Variants in SDR42E2 observed in about 807,000 individuals in gnomAD.
SDR42E2 encodes the protein putative short-chain dehydrogenase/reductase family 42E member 2.
In SDR42E2, 20 loss-of-function variants were observed where a neutral mutation model predicts 10.5. The observed-to-expected ratio is 1.90, with a 90% confidence interval of 1.34 to 2.77. SDR42E2 has a LOEUF of 2.77. Ranked by LOEUF, SDR42E2 falls within the 30% of genes most tolerant of loss-of-function variation. The pLI is 0.00. For synonymous variants in SDR42E2, 72 were observed against 39.2 expected, an observed-to-expected ratio of 1.84 and a Z score of -3.12; for missense variants, 162 against 104.2, an observed-to-expected ratio of 1.55 and a Z score of -2.42.
At chr16:22,181,047 G>A (rs1265683889) in intron 8 of SDR42E2, among the ~76,000 whole-genome samples, 2 of 152,186 alleles carry the variant, frequency 1.3e-5, no homozygotes, top group East Asian at 3.8e-4. Flanking sequence ...GCTGGGCAGA[G>A]AACAGACTAC....
chr16:22,172,346 G>T lies in SDR42E2; in HGVS notation c.589+15G>T, dbSNP rs1161177759. Reference sequence around the variant, plus strand: ...GCCTCTCCCAGGTGAGTATCATGGGGCTCTGCTTGTACCAAATGCACCTGC... The same window carrying T: ...GCCTCTCCCAGGTGAGTATCATGGGTCTCTGCTTGTACCAAATGCACCTGC... On this transcript the variant is annotated intron_variant, in intron 7 of 12. Coordinates refer to ENST00000602312, the MANE Select transcript of SDR42E2 (RefSeq NM_001394319.2). The T allele has an allele frequency of 4.3e-6, 3 of 703,406 alleles. No individual in the cohort carries two copies. 43.6% of individuals were successfully genotyped at this position (703,406 alleles called of 1,614,324 possible).
In SDR42E2 at chr16:22,170,893, G is replaced by A. The variant is rs1308776036; in HGVS notation, c.455G>A (p.Gly152Glu). The A allele has an allele frequency of 1.4e-6, 1 of 703,032 alleles. No homozygotes were observed. The highest frequency in any genetic ancestry group is 2.6e-6 in the Non-Finnish European group (1 of 385,012). 43.5% of individuals were successfully genotyped at this position (703,032 alleles called of 1,614,324 possible). The change falls in exon 6 of 13, where the codon GGA becomes GAA. Residue 152 changes from glycine to glutamate, a missense_variant. Coordinates refer to ENST00000602312, the MANE Select transcript of SDR42E2 (RefSeq NM_001394319.2). The part of the protein sequence containing the change: ...IYTSTVNVAF[G>E]GKPIEQGDED... ...ACCAGCACTGTCAATGTTGCATTTG[G>A]AGGGAAGCCCATAGAGCAGGGCGAT...
At chr16:22,178,029 G>C (rs1417304323) in intron 7 of SDR42E2, 101 bp from the exon 8 acceptor site, 1 of 635,886 alleles carries the variant, frequency 1.6e-6, no homozygotes, top group Non-Finnish European at 2.8e-6. Context: ...TTCCCCTCTA[G>C]CCTGTCCAGG....
In SDR42E2 at chr16:22,191,714, G is replaced by T. The variant is rs2046776162; in HGVS notation, c.*1321G>T. On this transcript the variant is annotated 3_prime_UTR_variant, in exon 13 of 13. Coordinates refer to ENST00000602312, the MANE Select transcript of SDR42E2 (RefSeq NM_001394319.2). Reference sequence around the variant, plus strand: ...AAAAAAACTCTTAAAATAATTGGATGTCTCGATGAAGTACCAATAAAGCTA... The same window carrying T: ...AAAAAAACTCTTAAAATAATTGGATTTCTCGATGAAGTACCAATAAAGCTA... The T allele has an allele frequency of 6.6e-6, 1 of 151,934 alleles. No individual in the cohort carries two copies. The highest frequency in any genetic ancestry group is 2.4e-5 in the African/African-American group (1 of 41,340). 9.4% of individuals were successfully genotyped at this position (151,934 alleles called of 1,614,324 possible). A position where few individuals can be genotyped will look rare whatever the true frequency, so the allele number is the denominator to read the frequency against.
intron 4 of SDR42E2, 48 bp downstream of exon 4, chr16:22,167,047 A>G: frequency 1.4e-6 from 1 of 694,040 alleles, no homozygotes; most frequent in Non-Finnish European, 2.6e-6. Context: ...GTGGGGTTCC[A>G]GTCCTGGCTC....
chr16:22,163,141 C>T (rs1414486619), intron 1 of SDR42E2, among the ~76,000 whole-genome samples: 1 of 152,158 alleles, frequency 6.6e-6, no homozygotes, highest in Non-Finnish European at 1.5e-5. Flanking sequence ...TGGGTCCATT[C>T]GCGGTTGTGG....
At chr16:22,169,534 T>C (rs1413778778) in intron 5 of SDR42E2, 32 bp downstream of exon 5, 2 of 703,236 alleles carry the variant, frequency 2.8e-6, no homozygotes, top group Admixed American at 4.0e-5. Flanking sequence ...TGACCTGCTG[T>C]GCCTCTCCCC....
chr16:22,187,950 G>T (rs1207201084), intron 12 of SDR42E2, among the ~76,000 whole-genome samples: 1 of 152,016 alleles, frequency 6.6e-6, no homozygotes, highest in African/African-American at 2.4e-5. Context: ...ACAAAAATTA[G>T]CTGGGTGTGG....
At chr16:22,180,852 C>T (rs1277308084) in intron 8 of SDR42E2, among the ~76,000 whole-genome samples, 1 of 152,102 alleles carries the variant, frequency 6.6e-6, no homozygotes, top group Non-Finnish European at 1.5e-5. Context: ...ACTAAAAATA[C>T]AAAAATTAGC....
chr16:22,181,398 A>G (rs764571714), intron 8 of SDR42E2, 121 bp from the exon 9 acceptor site: 9 of 656,092 alleles, frequency 1.4e-5, no homozygotes, highest in Middle Eastern at 4.8e-4. Context: ...AGCATTGGAT[A>G]CATGAGCCTG....
At chr16:22,174,734 A>G (rs955886310) in intron 7 of SDR42E2, among the ~76,000 whole-genome samples, 3 of 152,050 alleles carry the variant, frequency 2.0e-5, no homozygotes, top group Non-Finnish European at 4.4e-5. Flanking sequence ...CCAGCCAAGA[A>G]TTATTTATAT....
chr16:22,175,948 G>A (rs995572001), intron 7 of SDR42E2, among the ~76,000 whole-genome samples: 2 of 151,460 alleles, frequency 1.3e-5, no homozygotes, highest in Non-Finnish European at 2.9e-5. Context: ...AGCCGAGATC[G>A]TGCCATTGCA....
At chr16:22,184,300 T>C (rs982172051) in intron 11 of SDR42E2, 56 bp downstream of exon 11, 56 of 400,306 alleles carry the variant, frequency 1.4e-4, no homozygotes, top group Middle Eastern at 9.8e-4. Context: ...TACCTTGCAT[T>C]GCCTTAATTG....
In SDR42E2 at chr16:22,166,239, C is replaced by T. The variant is rs1336074577; in HGVS notation, c.56-11C>T. 1 of 403,430 alleles carries T rather than the reference C, an allele frequency of 2.5e-6. No individual in the cohort carries two copies. The highest frequency in any genetic ancestry group is 4.4e-6 in the Non-Finnish European group (1 of 227,920). 25.0% of individuals were successfully genotyped at this position (403,430 alleles called of 1,614,324 possible). A position where few individuals can be genotyped will look rare whatever the true frequency, so the allele number is the denominator to read the frequency against. On this transcript the variant is annotated splice_polypyrimidine_tract_variant and intron_variant, in intron 2 of 12. Coordinates refer to ENST00000602312, the MANE Select transcript of SDR42E2 (RefSeq NM_001394319.2). The stretch of plus-strand genomic sequence containing the variant: ...CCAGACCCAGTGAGTCAACAACAAC[C>T]CCAACACCAGCGCCGCAGCAGAAGA...
At position 22,174,108 on chromosome 16, in the gene SDR42E2, G is replaced by A. The variant is rs901442525; in HGVS notation, c.589+1777G>A. Among the ~76,000 whole-genome samples, 25 of 151,270 alleles carry A rather than the reference G, an allele frequency of 1.7e-4. No homozygotes were observed. In the South Asian group the frequency reaches 2.5e-3, roughly 15 times the overall value. On this transcript the variant is annotated intron_variant, in intron 7 of 12. Transcript: ENST00000602312. ...AGCACTTTGGGAGGCTGAGGCGGGCGGATCACAAGGTCAGGAGTTCAAGAC... is the reference window on the plus strand; with the variant it reads ...AGCACTTTGGGAGGCTGAGGCGGGCAGATCACAAGGTCAGGAGTTCAAGAC...
intron 4 of SDR42E2, among the ~76,000 whole-genome samples, chr16:22,168,384 G>T (rs2142061366): frequency 6.6e-6 from 1 of 152,076 alleles, no homozygotes; most frequent in Admixed American, 6.5e-5. Flanking sequence ...TTCTGCCTCA[G>T]ACTCCTGAGT....
chr16:22,168,867 C>T (rs554140755), intron 4 of SDR42E2, among the ~76,000 whole-genome samples: 1 of 152,078 alleles, frequency 6.6e-6, no homozygotes, highest in East Asian at 1.9e-4. Flanking sequence ...GAGCTAAACT[C>T]GGTCTCAAAA....
chr16:22,180,865 A>G (rs1382245411), intron 8 of SDR42E2, among the ~76,000 whole-genome samples: 1 of 152,098 alleles, frequency 6.6e-6, no homozygotes, highest in Non-Finnish European at 1.5e-5. Context: ...AAATTAGCTG[A>G]GCATGGTGGT....
chr16:22,167,062 C>T (rs556811341), intron 4 of SDR42E2, 63 bp downstream of exon 4: 24 of 683,264 alleles, frequency 3.5e-5, no homozygotes, highest in Non-Finnish European at 6.2e-5. Context: ...TGGCTCTGCC[C>T]TCACACCCAT....
Sources: gnomAD v4.1 joint callset for allele counts (sites outside exome capture counted in the v4.1 genomes callset) on GRCh38, gnomAD v4.1.1 for gene constraint, MANE v1.5 for transcripts, NCBI Gene and HGNC (gene_info 2026-07-23, HGNC 2026-07-21) for gene names.